HOMER2: variants seen among roughly 807,000 people sequenced by gnomAD.
HOMER2 encodes the protein homer scaffold protein 2.
Under a neutral mutation model 47.0 loss-of-function variants are expected in HOMER2, and 27 were observed. The ratio of observed to expected loss-of-function variants is 0.57; its 90% CI spans 0.42 to 0.79. The LOEUF is 0.79. HOMER2 is among the 30% of genes least tolerant of loss of function. The probability of loss-of-function intolerance (pLI) is 0.00; values close to 1 mark genes in which losing one functional copy is unlikely to be tolerated. For missense variants in HOMER2, 443 were observed against 435.0 expected, an observed-to-expected ratio of 1.02 and a Z score of -0.16; for synonymous variants, 161 against 163.8, an observed-to-expected ratio of 0.98 and a Z score of 0.13.
At chr15:82,915,141 T>C (rs1383193942) in intron 1 of HOMER2, among the ~76,000 whole-genome samples, 2 of 146,748 alleles carry the variant, frequency 1.4e-5, no homozygotes, top group Non-Finnish European at 3.0e-5. Context: ...TTTTTTTTAA[T>C]TGAAAAAAAA....
chr15:82,871,877 G>A (rs2052185855), intron 3 of HOMER2, among the ~76,000 whole-genome samples: 2 of 152,162 alleles, frequency 1.3e-5, no homozygotes, highest in African/African-American at 4.8e-5. Context: ...TCTTTTCATA[G>A]AAACCTTCCC....
intron 2 of HOMER2, among the ~76,000 whole-genome samples, chr15:82,878,714 A>C (rs1214112215): frequency 1.3e-5 from 2 of 151,986 alleles, no homozygotes; most frequent in Non-Finnish European, 2.9e-5. Flanking sequence ...TGCAGCCTCG[A>C]CCTCCTGGGC....
At chr15:82,841,319 C>T (rs748438355) in exon 2 of HOMER2, 1 of 152,104 alleles carries the variant, frequency 6.6e-6, no homozygotes, top group Non-Finnish European at 1.5e-5. Context: ...TAAAACGATT[C>T]ATCTAAAGTC....
chr15:82,956,239 CAAAAAAA>C (rs34193575), upstream of HOMER2, among the ~76,000 whole-genome samples: 1 of 92,030 alleles, frequency 1.1e-5, no homozygotes, highest in South Asian at 4.1e-4. Context: ...GACTCCATCT[CAAAAAAA>C]AAAAAAAAAA....
At chr15:82,982,850 C>T (rs1347346678) in intron 1 of HOMER2, among the ~76,000 whole-genome samples, 1 of 152,166 alleles carries the variant, frequency 6.6e-6, no homozygotes, top group Admixed American at 6.6e-5. Context: ...TGCCCCTCTT[C>T]AAGTTTTCTA....
At chr15:82,902,401 T>C (rs887773431) in intron 1 of HOMER2, among the ~76,000 whole-genome samples, 1 of 152,150 alleles carries the variant, frequency 6.6e-6, no homozygotes, top group Non-Finnish European at 1.5e-5. Flanking sequence ...TTTCACCATA[T>C]TGACCAGGCC....
chr15:82,893,635 T>C (rs1462630321), intron 1 of HOMER2, among the ~76,000 whole-genome samples: 1 of 151,564 alleles, frequency 6.6e-6, no homozygotes, highest in Non-Finnish European at 1.5e-5. Context: ...CTTTTTTTTT[T>C]TTTTTTTAAG....
At chr15:82,956,450 T>G (rs2054588643), upstream of HOMER2, among the ~76,000 whole-genome samples, 1 of 152,100 alleles carries the variant, frequency 6.6e-6, no homozygotes, top group Non-Finnish European at 1.5e-5. Flanking sequence ...TTGGCTGGAT[T>G]AAGGATTTGC....
At chr15:82,932,860 T>A (rs576967340) in intron 1 of HOMER2, among the ~76,000 whole-genome samples, 24 of 152,224 alleles carry the variant, frequency 1.6e-4, no homozygotes, top group African/African-American at 5.3e-4. Flanking sequence ...ACACCCCAAC[T>A]GTGAGAGGTG....
chr15:82,840,466 A>AT (rs1181669157), exon 2 of HOMER2: 1 of 152,166 alleles, frequency 6.6e-6, no homozygotes, highest in East Asian at 1.9e-4. Context: ...AATTCACTTA[A>AT]TTAAAAAAAA....
intron 3 of HOMER2, among the ~76,000 whole-genome samples, chr15:82,866,545 G>A (rs1047627090): frequency 6.6e-6 from 1 of 152,180 alleles, no homozygotes; most frequent in Non-Finnish European, 1.5e-5. Flanking sequence ...TTTGGGAGGG[G>A]ATGGAAAGAT....
At chr15:82,879,983 T>TA (rs148841433) in intron 2 of HOMER2, among the ~76,000 whole-genome samples, 7,011 of 150,592 alleles carry the variant, frequency 0.047, 515 homozygotes, top group African/African-American at 0.16. Flanking sequence ...AATTTAACAT[T>TA]AAAAAAAAAG....
upstream of HOMER2, among the ~76,000 whole-genome samples, chr15:82,954,152 T>C (rs1319795890): frequency 1.3e-5 from 2 of 152,148 alleles, no homozygotes; most frequent in Non-Finnish European, 1.5e-5. Flanking sequence ...CCTCCATGCA[T>C]AGTAATCAGC....
intron 1 of HOMER2, among the ~76,000 whole-genome samples, chr15:82,910,403 G>A (rs1242390586): frequency 1.3e-5 from 2 of 152,062 alleles, no homozygotes; most frequent in African/African-American, 4.8e-5. Flanking sequence ...AGCACCTTAT[G>A]GTGGATTTTT....
intron 1 of HOMER2, among the ~76,000 whole-genome samples, chr15:82,922,389 A>T (rs1364784851): frequency 1.3e-5 from 2 of 152,244 alleles, no homozygotes; most frequent in Non-Finnish European, 2.9e-5. Flanking sequence ...AGGTTCTATC[A>T]GCCCAAGAGA....
chr15:82,904,813 A>T (rs147115482), intron 1 of HOMER2, among the ~76,000 whole-genome samples: 27 of 152,184 alleles, frequency 1.8e-4, no homozygotes, highest in Non-Finnish European at 3.7e-4. Context: ...ACATTACTAA[A>T]GGCCTATTTA....
intron 1 of HOMER2, among the ~76,000 whole-genome samples, chr15:82,921,779 C>A (rs1449138394): frequency 6.6e-6 from 1 of 152,198 alleles, no homozygotes; most frequent in Non-Finnish European, 1.5e-5. Context: ...TCCACTCAGA[C>A]TCTGGGCTCT....
intron 5 of HOMER2, among the ~76,000 whole-genome samples, chr15:82,855,230 G>T (rs2051538406): frequency 7.2e-6 from 1 of 139,832 alleles, no homozygotes; most frequent in African/African-American, 2.7e-5. Flanking sequence ...GGAGGCTGAG[G>T]CAGAAGAATC....
chr15:82,906,852 G>C (rs1200580184), intron 1 of HOMER2, among the ~76,000 whole-genome samples: 1 of 152,208 alleles, frequency 6.6e-6, no homozygotes, highest in Admixed American at 6.5e-5. Flanking sequence ...CTTTCAGACA[G>C]AGCAGACTTA....
Sources: gnomAD v4.1 joint callset for allele counts (sites outside exome capture counted in the v4.1 genomes callset) on GRCh38, gnomAD v4.1.1 for gene constraint, MANE v1.5 for transcripts, NCBI Gene and HGNC (gene_info 2026-07-23, HGNC 2026-07-21) for gene names.